The following TENM3 variants were observed in gnomAD, a reference collection of about 807,000 sequenced individuals.
TENM3 encodes the protein teneurin transmembrane protein 3.
A neutral mutation model predicts 255.1 loss-of-function variants in TENM3; 63 were observed. The observed-to-expected ratio is 0.25, with a 90% CI of 0.20 to 0.30. The LOEUF (loss-of-function observed/expected upper bound fraction) is 0.30, where lower values mean the gene tolerates loss of function less well. Among genes scored for constraint, TENM3 ranks in the 10% least tolerant of loss-of-function variants. TENM3 has a pLI of 1.00. For synonymous variants in TENM3, 1,306 were observed against 1,322.3 expected (o/e 0.99, Z 0.27); for missense variants, 2,929 against 3,461.1 (o/e 0.85, Z 3.86).
At chr4:182,294,034 G>A (rs971262292) in intron 1 of TENM3, among the ~76,000 whole-genome samples, 1 of 152,014 alleles carries the variant, frequency 6.6e-6, no homozygotes, top group African/African-American at 2.4e-5. Flanking sequence ...CACAGGCCCG[G>A]GTAAACTTCA....
the TENM3 span, among the ~76,000 whole-genome samples, chr4:181,835,826 G>A: frequency 6.6e-6 from 1 of 152,130 alleles, no homozygotes; most frequent in African/African-American, 2.4e-5. Flanking sequence ...ATCTTATTCA[G>A]TAGCCAGTAA....
intron 1 of TENM3, among the ~76,000 whole-genome samples, chr4:182,275,602 T>C (rs1561271268): frequency 6.6e-6 from 1 of 152,034 alleles, no homozygotes; most frequent in South Asian, 2.1e-4. Flanking sequence ...ACAGATAAGA[T>C]AATTTTAGAG....
chr4:182,262,958 C>T (rs1160695359), intron 1 of TENM3, among the ~76,000 whole-genome samples: 1 of 152,192 alleles, frequency 6.6e-6, no homozygotes, highest in East Asian at 1.9e-4. Flanking sequence ...CGTGATCCGC[C>T]TGCCTCGGCC....
chr4:182,203,562 T>G (rs982933365), intron 1 of TENM3, among the ~76,000 whole-genome samples: 1 of 152,182 alleles, frequency 6.6e-6, no homozygotes, highest in Non-Finnish European at 1.5e-5. Flanking sequence ...GGCCAAGAGT[T>G]TAAGCCAACA....
At chr4:182,126,864 C>T in the TENM3 span, among the ~76,000 whole-genome samples, 5 of 152,308 alleles carry the variant, frequency 3.3e-5, no homozygotes, top group Admixed American at 3.3e-4. Flanking sequence ...CAAGAACTCC[C>T]CATCCCCACC....
At chr4:182,135,653 T>C in the TENM3 span, among the ~76,000 whole-genome samples, 2 of 152,216 alleles carry the variant, frequency 1.3e-5, no homozygotes, top group East Asian at 1.9e-4. Context: ...TTTGAGAAAA[T>C]AGCATATGAC....
chr4:181,545,834 A>G, the TENM3 span, among the ~76,000 whole-genome samples: 2 of 151,820 alleles, frequency 1.3e-5, no homozygotes, highest in Non-Finnish European at 2.9e-5. Context: ...TCTTAATGAC[A>G]TACTTTGATT....
At chr4:182,741,890 T>A (rs1314208976) in intron 18 of TENM3, among the ~76,000 whole-genome samples, 1 of 152,212 alleles carries the variant, frequency 6.6e-6, no homozygotes, top group Non-Finnish European at 1.5e-5. Flanking sequence ...TTATTCTAAT[T>A]TCTTCTTCAC....
chr4:181,586,566 G>T, the TENM3 span, among the ~76,000 whole-genome samples: 1 of 152,122 alleles, frequency 6.6e-6, no homozygotes, highest in Non-Finnish European at 1.5e-5. Flanking sequence ...AAAGGGCCAG[G>T]TGCGGTGGCT....
At chr4:181,935,731 G>A in the TENM3 span, among the ~76,000 whole-genome samples, 6 of 152,022 alleles carry the variant, frequency 3.9e-5, no homozygotes, top group African/African-American at 9.7e-5. Context: ...CAAAACTCTC[G>A]AATCCCAGCC....
intron 3 of TENM3, among the ~76,000 whole-genome samples, chr4:182,594,683 G>GT (rs1553994657): frequency 7.2e-6 from 1 of 138,166 alleles, no homozygotes; most frequent in Non-Finnish European, 1.5e-5. Context: ...TTTTTGTTTT[G>GT]GTGTGTGTGT....
the TENM3 span, among the ~76,000 whole-genome samples, chr4:181,992,256 C>T: frequency 1.3e-5 from 2 of 152,094 alleles, no homozygotes; most frequent in Non-Finnish European, 2.9e-5. Flanking sequence ...GGTGTCTTTA[C>T]CCTTTCAAAC....
At chr4:182,644,302 A>G (rs193187577) in intron 5 of TENM3, among the ~76,000 whole-genome samples, 7 of 152,310 alleles carry the variant, frequency 4.6e-5, no homozygotes, top group Admixed American at 4.6e-4. Context: ...CTTCAGTGGC[A>G]TGGTCCCCAG....
chr4:181,561,524 CAGT>C, the TENM3 span, among the ~76,000 whole-genome samples: 2 of 152,144 alleles, frequency 1.3e-5, no homozygotes, highest in Non-Finnish European at 2.9e-5. Context: ...GATAATCAAT[CAGT>C]AGTAACCTTT....
the TENM3 span, among the ~76,000 whole-genome samples, chr4:181,806,939 A>G: frequency 8.0e-3 from 1,216 of 152,226 alleles, 7 homozygotes; most frequent in Non-Finnish European, 0.014. Context: ...GTTGAACTGT[A>G]TCTGTCTCGC....
chr4:182,773,477 A>G lies in TENM3; in HGVS notation c.4898A>G (p.Asp1633Gly). Residue 1633 changes from aspartate to glycine, a missense_variant, in exon 23 of 28, where the codon GAC (aspartate) becomes GGC (glycine). Transcript: ENST00000511685. The part of the protein sequence containing the change: ...ETGWTTFFDY[D>G]SEGRLTNVTF... Reference sequence around the variant, plus strand: ...TTAATGCCTCTTGTATTTAGCTATGACAGTGAAGGTCGTCTGACAAATGTT... The same window carrying G: ...TTAATGCCTCTTGTATTTAGCTATGGCAGTGAAGGTCGTCTGACAAATGTT... 1.2e-6 allele frequency: 2 copies of G among 1,611,396 alleles called. No individual in the cohort carries two copies. Among genetic ancestry groups the G allele is most frequent in the Non-Finnish European group, 1.7e-6 (2 of 1,178,722 alleles).
In TENM3 at chr4:182,157,969, CT is replaced by C. The variant is rs201910314; in HGVS notation, c.-76+13222del. On this transcript the variant is annotated intron_variant, in intron 1 of 2. Transcript: ENST00000512480. ...CTTAAAATATGTAGTTCTCTTTGTC[CT>C]TTTTTTCCCCATTTTTGAAAGAAAC... Among the ~76,000 whole-genome samples the C allele has an allele frequency of 1.2e-4, 19 of 152,274 alleles. No individual in the cohort carries two copies. The East Asian group carries it at 3.3e-3, about 26-fold the overall frequency.
chr4:181,568,875 C>T, the TENM3 span, among the ~76,000 whole-genome samples: 3 of 152,206 alleles, frequency 2.0e-5, no homozygotes, highest in Admixed American at 6.5e-5. Flanking sequence ...AGTTGTAATC[C>T]TTTGGAGGAT....
At chr4:182,340,632 A>G (rs7666911) in intron 2 of TENM3, among the ~76,000 whole-genome samples, 16,946 of 152,206 alleles carry the variant, frequency 0.11, 1,121 homozygotes, top group African/African-American at 0.18. Flanking sequence ...AGAGTTTGGA[A>G]TGTCCCATAA....
Sources: gnomAD v4.1 joint callset for allele counts (sites outside exome capture counted in the v4.1 genomes callset) on GRCh38, gnomAD v4.1.1 for gene constraint, MANE v1.5 for transcripts, NCBI Gene and HGNC (gene_info 2026-07-23, HGNC 2026-07-21) for gene names.